Variants in NARS1 observed in about 807,000 individuals in gnomAD.
NARS1 encodes the protein asparaginyl-tRNA synthetase 1.
NARS1 carries 65 observed loss-of-function variants against 79.2 expected under a neutral mutation model. The ratio of observed to expected loss-of-function variants is 0.82; its 90% CI spans 0.67 to 1.01. NARS1 has a LOEUF of 1.01. Ranked by LOEUF, NARS1 falls within the 50% of genes least tolerant of loss-of-function variation. The pLI is 0.00. For missense variants in NARS1, 649 were observed against 673.8 expected, an observed-to-expected ratio of 0.96 and a Z score of 0.41; for synonymous variants, 229 against 238.8, an observed-to-expected ratio of 0.96 and a Z score of 0.38.
chr18:57,606,667 T>A lies in NARS1; in HGVS notation c.1086A>T (p.Val362=), dbSNP rs1167375212. Residue 362 remains valine, a synonymous_variant, in exon 10 of 14, where the codon GTA becomes GTT. Transcript: ENST00000256854. ...NRLEDLVCDV[V]DRILKSPAGS... ...CTGCAGGTGACTTCAATATTCGATCTACCACATCACAAACCAAGTCCTCCA... is the reference window on the plus strand; with the variant it reads ...CTGCAGGTGACTTCAATATTCGATCAACCACATCACAAACCAAGTCCTCCA... 3 of 1,614,106 alleles carry A rather than the reference T, an allele frequency of 1.9e-6. No individual in the cohort carries two copies. The highest frequency in any genetic ancestry group is 4.5e-5 in the East Asian group (2 of 44,872).
chr18:57,621,707 C>G lies in NARS1; in HGVS notation c.10+1G>C. 6.2e-7 allele frequency: 1 copy of G among 1,613,838 alleles called. No homozygotes were observed. Among genetic ancestry groups the G allele is most frequent in the Non-Finnish European group, 8.5e-7 (1 of 1,179,888 alleles). On this transcript the variant is annotated splice_donor_variant, in intron 1 of 13. Transcript: ENST00000256854. LOFTEE classifies it high-confidence loss of function. ...CGCGCCATACACTGAGTCTCACCCA[C>G]CTAGCACCATGCCTGCAGTGGCCCT...
chr18:57,608,382 A>G lies in NARS1; in HGVS notation c.580-717T>C, dbSNP rs1242291198. Among the ~76,000 whole-genome samples the G allele has an allele frequency of 2.8e-4, 35 of 125,102 alleles. No homozygotes were observed. The Admixed American group carries it at 3.8e-3, about 13-fold the overall frequency. The allele number at this position is 125,102 out of a possible 152,430, so 82.1% of individuals were successfully genotyped here. ...AACCTGGGAGGCAGAGGTTGTGGTG[A>G]GTGGAGATCGCACCACTGCATTCCA... On this transcript the variant is annotated intron_variant, in intron 7 of 13. Transcript: ENST00000256854.
In NARS1 at chr18:57,601,616, T is replaced by C. The variant is rs768003928; in HGVS notation, c.*36A>G. Reference sequence around the variant, plus strand: ...TTTCTTTTTTAAAGAGCCTGTTCCTTTCATAATCTTTCCTCCACGCTTCTG... The same window carrying C: ...TTTCTTTTTTAAAGAGCCTGTTCCTCTCATAATCTTTCCTCCACGCTTCTG... On this transcript the variant is annotated 3_prime_UTR_variant, in exon 14 of 14. Transcript: ENST00000256854. 1.2e-6 allele frequency: 2 copies of C among 1,604,088 alleles called. No homozygotes were observed. Among genetic ancestry groups the C allele is most frequent in the Admixed American group, 1.7e-5 (1 of 59,274 alleles).
At chr18:57,611,603 T>C (rs2051605342) in intron 6 of NARS1, 34 bp downstream of exon 6, 2 of 1,416,554 alleles carry the variant, frequency 1.4e-6, no homozygotes, top group South Asian at 2.5e-5. Flanking sequence ...TGAAAACATC[T>C]AATTTTCAGG....
chr18:57,609,341 A>C lies in NARS1; in HGVS notation c.579+16T>G. ...TAAACTATTCATTCACCCAGTGCGA[A>C]ACTCAATCCACTCACCTGCTTGCCC... On this transcript the variant is annotated intron_variant, in intron 7 of 13. Transcript: ENST00000256854. 1.9e-6 allele frequency: 3 copies of C among 1,598,868 alleles called. No individual in the cohort carries two copies. Among genetic ancestry groups the C allele is most frequent in the Non-Finnish European group, 2.6e-6 (3 of 1,167,432 alleles).
chr18:57,604,843 C>T (rs368748339), intron 11 of NARS1, among the ~76,000 whole-genome samples: 1 of 152,210 alleles, frequency 6.6e-6, no homozygotes, highest in Non-Finnish European at 1.5e-5. Flanking sequence ...CAGCTATGAT[C>T]GCACCAATGC....
chr18:57,614,466 A>T (rs542743126), intron 4 of NARS1, among the ~76,000 whole-genome samples: 25 of 152,238 alleles, frequency 1.6e-4, no homozygotes, highest in African/African-American at 6.0e-4. Flanking sequence ...TCCCCACTGC[A>T]CTCCAGCCTG....
At chr18:57,603,350 A>C (rs1404759010) in intron 11 of NARS1, among the ~76,000 whole-genome samples, 1 of 128,206 alleles carries the variant, frequency 7.8e-6, no homozygotes, top group East Asian at 2.4e-4. Flanking sequence ...GTAATCATGA[A>C]TGCTCCAGAA....
intron 1 of NARS1, among the ~76,000 whole-genome samples, chr18:57,620,858 A>C (rs1272614018): frequency 1.3e-5 from 2 of 152,232 alleles, no homozygotes; most frequent in Non-Finnish European, 2.9e-5. Flanking sequence ...CAGGTTTTCA[A>C]AATGAACTCT....
chr18:57,612,709 T>C (rs1432478035), intron 5 of NARS1, among the ~76,000 whole-genome samples: 1 of 152,246 alleles, frequency 6.6e-6, no homozygotes, highest in Admixed American at 6.5e-5. Flanking sequence ...GTACTGGGAT[T>C]ATAGGCGTGA....
chr18:57,617,325 C>T (rs1026838670), intron 2 of NARS1, among the ~76,000 whole-genome samples: 6 of 152,042 alleles, frequency 3.9e-5, no homozygotes, highest in Admixed American at 2.0e-4. Flanking sequence ...GTAATCCCAG[C>T]ACTTTGTGAG....
rs2051545588 is a variant in NARS1, at chr18:57,605,435, T to G, written c.1251+422A>C. ...CATCCTGGCCAACATGGTGAAACCCTGTCTCTACTAAAAATAAAAAAATTA... is the reference window on the plus strand; with the variant it reads ...CATCCTGGCCAACATGGTGAAACCCGGTCTCTACTAAAAATAAAAAAATTA... On this transcript the variant is annotated intron_variant, in intron 11 of 13. Transcript: ENST00000256854. 2.0e-5 allele frequency among the ~76,000 whole-genome samples: 3 copies of G among 151,076 alleles called. No homozygotes were observed. In the South Asian group the frequency reaches 6.3e-4, roughly 31 times the overall value.
rs200649043 is a variant in NARS1 at position 57,615,714 on chromosome 18, C to T, written c.269G>A (p.Arg90Gln). Residue 90 changes from arginine to glutamine, a missense_variant, in exon 4 of 14, where the codon CGA (arginine) becomes CAA (glutamine). Transcript: ENST00000256854. ...TGCTTCTTCCAGGTTCTTTTCTCTT[C>T]GTAAACTATCTTCTGCCTAATTTTA... Reference protein sequence around the residue: ...REKKEAEDSLRREKNLEEAKK... With the variant: ...REKKEAEDSLQREKNLEEAKK... The T allele has an allele frequency of 1.3e-5, 21 of 1,612,820 alleles. No individual in the cohort carries two copies. Among genetic ancestry groups the T allele is most frequent in the Middle Eastern group, 1.6e-4 (1 of 6,082 alleles).
intron 11 of NARS1, among the ~76,000 whole-genome samples, 167 bp from the exon 12 acceptor site, chr18:57,603,110 A>G (rs1247844435): frequency 6.6e-6 from 1 of 152,220 alleles, no homozygotes; most frequent in Non-Finnish European, 1.5e-5. Context: ...TTCTTTCAAA[A>G]AGAAATAAAC....
chr18:57,616,357 T>C (rs2122453365), intron 2 of NARS1, among the ~76,000 whole-genome samples: 1 of 151,246 alleles, frequency 6.6e-6, no homozygotes, highest in African/African-American at 2.4e-5. Context: ...GAGGCGGAGC[T>C]TGCAGTGAGC....
chr18:57,605,758 G>A, intron 11 of NARS1, 99 bp downstream of exon 11: 1 of 767,588 alleles, frequency 1.3e-6, no homozygotes, highest in South Asian at 1.8e-5. Flanking sequence ...ATTTATTTGA[G>A]GACAGGCAGA....
intron 7 of NARS1, among the ~76,000 whole-genome samples, chr18:57,609,090 TC>T (rs2051584465): frequency 2.0e-5 from 3 of 152,200 alleles, no homozygotes; most frequent in Admixed American, 2.0e-4. Flanking sequence ...CCTGTCGGCT[TC>T]CCTACTTTTG....
At chr18:57,603,934 C>T (rs1482014883) in intron 11 of NARS1, among the ~76,000 whole-genome samples, 1 of 152,070 alleles carries the variant, frequency 6.6e-6, no homozygotes, top group Admixed American at 6.6e-5. Context: ...CTAGTGTCCT[C>T]ATGTGTGTGG....
In NARS1 at chr18:57,605,952, G is replaced by A. The variant is rs747415619; in HGVS notation, c.1156C>T (p.Arg386Trp). 12 of 1,612,542 alleles carry A rather than the reference G, an allele frequency of 7.4e-6. No homozygotes were observed. Among genetic ancestry groups the A allele is most frequent in the East Asian group, 2.2e-5 (1 of 44,868 alleles). ...ELNPNFQPPK[R>W]PFKRMNYSDA... is the part of the protein sequence containing the mutation. ...GAATAGTTCATCCGTTTGAAAGGCC[G>A]TTTGGGGGGCTGAAAGTTCTACAGA... Residue 386 changes from arginine (R) to tryptophan (W), a missense_variant, in exon 11 of 14, where the codon CGG (arginine) becomes TGG (tryptophan). Physicochemically the swap from Arg to Trp is moderately radical, Grantham distance 101 (BLOSUM62 -3). Coordinates refer to ENST00000256854, the MANE Select transcript of NARS1 (RefSeq NM_004539.4).
Sources: allele counts gnomAD v4.1 joint callset (sites outside exome capture counted in the v4.1 genomes callset), GRCh38; gene constraint gnomAD v4.1.1; transcripts MANE v1.5; gene names NCBI Gene and HGNC (gene_info 2026-07-23, HGNC 2026-07-21).